CMIP: variants seen among roughly 807,000 people sequenced by gnomAD.
CMIP encodes C-Maf-inducing protein.
A neutral mutation model predicts 97.3 loss-of-function variants in CMIP; 13 were observed. The ratio of observed to expected loss-of-function variants is 0.13; its 90% CI spans 0.09 to 0.21. The LOEUF (loss-of-function observed/expected upper bound fraction) is 0.21, where lower values mean the gene tolerates loss of function less well. Among genes scored for constraint, CMIP ranks in the 10% least tolerant of loss-of-function variants. CMIP has a pLI of 1.00. For missense variants in CMIP, 847 were observed against 1,024.9 expected (o/e 0.83, Z 2.37); for synonymous variants, 538 against 436.3 (o/e 1.23, Z -2.91).
chr16:81,696,755 G>T (rs1906771498), intron 14 of CMIP, 88 bp downstream of exon 14: 6 of 1,280,646 alleles, frequency 4.7e-6, no homozygotes, highest in Non-Finnish European at 6.4e-6. Context: ...CCCATCCCCT[G>T]GGGCCAGCCC....
chr16:81,546,668 C>T lies in CMIP; in HGVS notation c.301-60899C>T, dbSNP rs117428761. Among the ~76,000 whole-genome samples, 167 of 152,220 alleles carry T rather than the reference C, an allele frequency of 1.1e-3. 6 individuals carry two copies. The East Asian group carries it at 0.025, about 22-fold the overall frequency. ...AAATTGAAGTCAGATGATTATCGTGCGGGGTGAGAAAGGAGGGTGAGAACC... is the reference window on the plus strand; with the variant it reads ...AAATTGAAGTCAGATGATTATCGTGTGGGGTGAGAAAGGAGGGTGAGAACC... On this transcript the variant is annotated intron_variant, in intron 1 of 20. Coordinates refer to ENST00000537098, the MANE Select transcript of CMIP (RefSeq NM_198390.3).
chr16:81,524,668 T>C (rs1484310982), intron 1 of CMIP, among the ~76,000 whole-genome samples: 3 of 152,250 alleles, frequency 2.0e-5, no homozygotes, highest in African/African-American at 7.2e-5. Flanking sequence ...ATTAGTGGGT[T>C]TGGCGGCACA....
chr16:81,598,641 C>T (rs1034919632), intron 1 of CMIP, among the ~76,000 whole-genome samples: 1 of 152,216 alleles, frequency 6.6e-6, no homozygotes, highest in Non-Finnish European at 1.5e-5. Context: ...TAACAGACTG[C>T]ATGCCCTGGT....
intron 1 of CMIP, among the ~76,000 whole-genome samples, chr16:81,491,242 T>C (rs1222511509): frequency 6.6e-6 from 1 of 152,126 alleles, no homozygotes; most frequent in Non-Finnish European, 1.5e-5. Context: ...GTGTCTGGGG[T>C]TGGCCTTACA....
chr16:81,587,457 G>C (rs998089778), intron 1 of CMIP, among the ~76,000 whole-genome samples: 3 of 152,216 alleles, frequency 2.0e-5, no homozygotes, highest in Non-Finnish European at 4.4e-5. Context: ...TTTCACCTCT[G>C]TTCAGCCAGA....
chr16:81,704,829 T>C (rs952857387), intron 18 of CMIP, among the ~76,000 whole-genome samples: 2 of 149,204 alleles, frequency 1.3e-5, no homozygotes, highest in African/African-American at 5.0e-5. Context: ...TAGAGGAGGT[T>C]GAGGACCTCA....
At chr16:81,523,310 G>A (rs935404491) in intron 1 of CMIP, among the ~76,000 whole-genome samples, 2 of 152,186 alleles carry the variant, frequency 1.3e-5, no homozygotes, top group East Asian at 3.8e-4. Flanking sequence ...GTTGATTCCT[G>A]AATATCTAGT....
chr16:81,499,559 A>G (rs2089556939), intron 1 of CMIP, among the ~76,000 whole-genome samples: 1 of 152,180 alleles, frequency 6.6e-6, no homozygotes, highest in Admixed American at 6.5e-5. Context: ...GCGCCCATGT[A>G]GCTTCCTTGT....
intron 4 of CMIP, among the ~76,000 whole-genome samples, chr16:81,653,899 C>T (rs954692201): frequency 3.9e-5 from 6 of 152,198 alleles, no homozygotes; most frequent in South Asian, 2.1e-4. Context: ...TCTTTTAAAA[C>T]TCACATTCTC....
intron 1 of CMIP, among the ~76,000 whole-genome samples, chr16:81,481,077 C>T (rs188647651): frequency 5.3e-5 from 8 of 152,360 alleles, no homozygotes; most frequent in Non-Finnish European, 1.0e-4. Flanking sequence ...CTGTCTCCCT[C>T]AGCTGCACAT....
chr16:81,603,346 T>C, intron 1 of CMIP: 1 of 453,460 alleles, frequency 2.2e-6, no homozygotes, highest in East Asian at 7.0e-5. Flanking sequence ...CCTCCCAAAG[T>C]GCTGGGATTA....
rs541098067 is a variant in CMIP at position 81,639,022 on chromosome 16, A to G, written c.478-13181A>G. On this transcript the variant is annotated intron_variant, in intron 3 of 20. Coordinates refer to ENST00000537098, the MANE Select transcript of CMIP (RefSeq NM_198390.3). The stretch of plus-strand genomic sequence containing the variant: ...TGTGAAGATCAGAGAGCCTTTCCAG[A>G]ATGCCGAGGGAGAGTCCAGGATTGT... 2.0e-5 allele frequency among the ~76,000 whole-genome samples: 3 copies of G among 152,226 alleles called. No individual in the cohort carries two copies. In the South Asian group the frequency reaches 6.2e-4, roughly 32 times the overall value.
At chr16:81,550,080 A>G (rs2150854243) in intron 1 of CMIP, among the ~76,000 whole-genome samples, 1 of 152,088 alleles carries the variant, frequency 6.6e-6, no homozygotes, top group African/African-American at 2.4e-5. Context: ...ATGTGATTTC[A>G]CCCCACCCCT....
intron 1 of CMIP, chr16:81,476,592 A>G (rs1907937788): frequency 2.1e-6 from 1 of 485,842 alleles, no homozygotes; most frequent in Non-Finnish European, 3.8e-6. Context: ...GTAAAGTTTC[A>G]TATAAATAGT....
chr16:81,513,246 A>T (rs574200473), intron 1 of CMIP, among the ~76,000 whole-genome samples: 1 of 152,190 alleles, frequency 6.6e-6, no homozygotes, highest in Non-Finnish European at 1.5e-5. Context: ...GTTGCTGCTC[A>T]CCAGACCCAG....
At chr16:81,499,098 G>C (rs1367532440) in intron 1 of CMIP, among the ~76,000 whole-genome samples, 1 of 151,452 alleles carries the variant, frequency 6.6e-6, no homozygotes, top group Admixed American at 6.6e-5. Flanking sequence ...GTGTAGAGAA[G>C]CTAGATCGTG....
intron 1 of CMIP, chr16:81,518,235 C>T (rs548119390): frequency 6.6e-6 from 1 of 152,276 alleles, no homozygotes; most frequent in Admixed American, 6.5e-5. Flanking sequence ...CGCAGAAAAT[C>T]TGTCATAATT....
intron 1 of CMIP, among the ~76,000 whole-genome samples, chr16:81,534,854 A>G (rs1036724785): frequency 6.6e-6 from 1 of 152,316 alleles, no homozygotes; most frequent in African/African-American, 2.4e-5. Flanking sequence ...AAATTTTTCA[A>G]ATATGTGCTA....
At chr16:81,558,021 T>C (rs572238799) in intron 1 of CMIP, among the ~76,000 whole-genome samples, 154 of 152,336 alleles carry the variant, frequency 1.0e-3, no homozygotes, top group African/African-American at 3.7e-3. Context: ...CTCTAAGTAC[T>C]TCTTGTAAAT....
Sources: allele counts gnomAD v4.1 joint callset (sites outside exome capture counted in the v4.1 genomes callset), GRCh38; gene constraint gnomAD v4.1.1; transcripts MANE v1.5; gene names NCBI Gene and HGNC (gene_info 2026-07-23, HGNC 2026-07-21).